TNXB: variants seen among roughly 807,000 people sequenced by gnomAD.
TNXB encodes tenascin-X.
A neutral mutation model predicts 340.5 loss-of-function variants in TNXB; 183 were observed. The observed-to-expected ratio is 0.54, with a 90% CI of 0.48 to 0.61. The LOEUF is 0.61. TNXB is among the 20% of genes least tolerant of loss of function. The probability of loss-of-function intolerance (pLI) is 0.00; values close to 1 mark genes in which losing one functional copy is unlikely to be tolerated. For synonymous variants in TNXB, 2,121 were observed against 2,314.5 expected (o/e 0.92, Z 2.40); for missense variants, 4,613 against 5,446.4 (o/e 0.85, Z 4.82).
chr6:32,104,280 T>C (rs1191691044), intron 1 of TNXB, among the ~76,000 whole-genome samples: 1 of 152,202 alleles, frequency 6.6e-6, no homozygotes, highest in African/African-American at 2.4e-5. Context: ...TACACCAATT[T>C]GTAAAACACC....
At position 32,043,740 on chromosome 6, in the gene TNXB, CCAT is replaced by C. The variant is rs753060533; in HGVS notation, c.11530+6_11530+8del. ...CCCACCTCTTGCCCCGGGTCCCAGT[CCAT>C]CTCACCCGTGGTGAGGAAGCCTGTG... On this transcript the variant is annotated splice_donor_region_variant and intron_variant, in intron 35 of 43. Coordinates refer to ENST00000644971, the MANE Select transcript of TNXB (RefSeq NM_001365276.2). The C allele has an allele frequency of 1.5e-5, 25 of 1,613,450 alleles. No homozygotes were observed. Among genetic ancestry groups the C allele is most frequent in the Non-Finnish European group, 8.5e-6 (10 of 1,180,034 alleles).
Position 32,055,881 on chromosome 6 carries a change from C to T in TNXB, c.8437G>A (p.Val2813Met). 6.2e-7 allele frequency: 1 copy of T among 1,612,790 alleles called. No homozygotes were observed. The highest frequency in any genetic ancestry group is 8.5e-7 in the Non-Finnish European group (1 of 1,179,382). The change falls in exon 24 of 44, where the codon GTG becomes ATG. Residue 2813 changes from valine (V) to methionine (M), a missense_variant. By Grantham distance (21) the Val-to-Met change is conservative (BLOSUM62 1). Coordinates refer to ENST00000644971, the MANE Select transcript of TNXB (RefSeq NM_001365276.2). ...HLYGLHEGRRVGPVSTVGVTA... is the reference protein window; with the variant it reads ...HLYGLHEGRRMGPVSTVGVTA... Reference sequence around the variant, plus strand: ...ACACCCACGGTGGACACCGGGCCCACACGCCGCCCCTCGTGGAGGCCGTAC... The same window carrying T: ...ACACCCACGGTGGACACCGGGCCCATACGCCGCCCCTCGTGGAGGCCGTAC...
At position 32,084,285 on chromosome 6, in the gene TNXB, T is replaced by C; in HGVS notation, c.3445+128A>G. ...TTGCCTGCCCCACCACTACTTTCCC[T>C]TCAGAATTCAGCTCATGCACCACTG... On this transcript the variant is annotated intron_variant, in intron 8 of 43. Transcript: ENST00000644971. The surrounding 1 kb of genome is among the most constrained non-coding windows in gnomAD (Gnocchi z 5.5). The C allele has an allele frequency of 1.1e-6, 1 of 936,292 alleles. No individual in the cohort carries two copies. Among genetic ancestry groups the C allele is most frequent in the Non-Finnish European group, 1.5e-6 (1 of 657,790 alleles). 58.0% of individuals were successfully genotyped at this position (936,292 alleles called of 1,614,324 possible).
In TNXB at chr6:32,052,566, C is replaced by CA; in HGVS notation, c.9115+103dup. The CA allele has an allele frequency of 6.8e-7, 1 of 1,463,884 alleles. No homozygotes were observed. The highest frequency in any genetic ancestry group is 9.2e-7 in the Non-Finnish European group (1 of 1,090,792). The allele number at this position is 1,463,884 out of a possible 1,614,324, so 90.7% of individuals were successfully genotyped here. A position where few individuals can be genotyped will look rare whatever the true frequency, so the allele number is the denominator to read the frequency against. ...AAAAATCTCCAGGCATTTGGATACA[C>CA]AAAGGAAGGAATACTCTTCAGAGTA... On this transcript the variant is annotated intron_variant, in intron 26 of 43. Transcript: ENST00000644971. This position sits in a 1 kb window ranked among gnomAD's most constrained non-coding sequence, Gnocchi z 4.7.
rs1280475668 is a variant in TNXB at position 32,096,401 on chromosome 6, C to T, written c.1452G>A (p.Trp484Ter). The stretch of plus-strand genomic sequence containing the variant: ...CGCAGTCCCGGCCTGTGTACCCCGG[C>T]CAACACATGCAGCGGCCACTCTCAC... ...GRCESGRCMCWPGYTGRDCGT... is the reference protein window; with the variant it reads ...GRCESGRCMC The change falls in exon 3 of 44, where the codon TGG becomes TGA. Residue 484 changes from tryptophan to a stop codon, truncating the protein, a stop_gained. Transcript: ENST00000644971. LOFTEE classifies it high-confidence loss of function. 1 of 1,579,736 alleles carries T rather than the reference C, an allele frequency of 6.3e-7. No homozygotes were observed.
intron 4 of TNXB, among the ~76,000 whole-genome samples, chr6:32,094,735 A>G (rs1780235993): frequency 6.6e-6 from 1 of 152,204 alleles, no homozygotes; most frequent in African/African-American, 2.4e-5. Context: ...GCTGATGAAT[A>G]CCCAGCTAGG....
At chr6:32,077,045 G>A (rs751044005) in intron 11 of TNXB, among the ~76,000 whole-genome samples, 6 of 152,028 alleles carry the variant, frequency 3.9e-5, no homozygotes, top group Non-Finnish European at 8.8e-5. Context: ...AAGACAGGAA[G>A]GAACTCAGTT....
intron 1 of TNXB, among the ~76,000 whole-genome samples, chr6:32,101,588 C>CTTTT (rs58601681): frequency 2.4e-5 from 3 of 126,182 alleles, no homozygotes; most frequent in African/African-American, 3.0e-5. Flanking sequence ...CGCACCCAGC[C>CTTTT]TTTTTTTTTT....
In TNXB at chr6:32,067,894, G is replaced by A; in HGVS notation, c.6311C>T (p.Thr2104Ile). 1.2e-6 allele frequency: 2 copies of A among 1,612,794 alleles called. No homozygotes were observed. Among genetic ancestry groups the A allele is most frequent in the Non-Finnish European group, 1.7e-6 (2 of 1,179,874 alleles). Reference protein sequence around the residue: ...EEPLLGELTVTGSSPDSLSLS... With the variant: ...EEPLLGELTVIGSSPDSLSLS... ...GCTCAGCGAGTCAGGGGAGGATCCT[G>A]TCACTGTTAGCTCCCCCAGGAGCGG... Residue 2104 changes from threonine to isoleucine, a missense_variant, in exon 18 of 44, where the codon ACA (threonine) becomes ATA (isoleucine). By Grantham distance (89) the Thr-to-Ile change is moderately conservative (BLOSUM62 -1). Coordinates refer to ENST00000644971, the MANE Select transcript of TNXB (RefSeq NM_001365276.2). The surrounding 1 kb of genome is among the most constrained non-coding windows in gnomAD (Gnocchi z 4.2).
intron 1 of TNXB, among the ~76,000 whole-genome samples, chr6:32,107,318 T>A (rs918455742): frequency 6.6e-6 from 1 of 152,142 alleles, no homozygotes; most frequent in African/African-American, 2.4e-5. Flanking sequence ...CTCACCAGCT[T>A]TTCTGGAAAG....
intron 22 of TNXB, among the ~76,000 whole-genome samples, chr6:32,057,605 C>G (rs1442177725): frequency 6.6e-6 from 1 of 151,850 alleles, no homozygotes; most frequent in Non-Finnish European, 1.5e-5. Flanking sequence ...GTGGTCCCCT[C>G]CTCTGCTCCC....
In TNXB at chr6:32,097,383, G is replaced by A; in HGVS notation, c.470C>T (p.Ser157Phe). 1 of 1,611,438 alleles carries A rather than the reference G, an allele frequency of 6.2e-7. No homozygotes were observed. The highest frequency in any genetic ancestry group is 2.2e-5 in the East Asian group (1 of 44,818). The change falls in exon 3 of 44, where the codon TCC (serine) becomes TTC (phenylalanine). Residue 157 changes from serine (S) to phenylalanine (F), a missense_variant. Physicochemically the swap from Ser to Phe is radical, Grantham distance 155. Around this residue, in one of 7 missense-constraint regions of TNXB, gnomAD observed 4,327 missense variants for 4,859.4 expected, o/e 0.89. Transcript: ENST00000644971. This position sits in a 1 kb window ranked among gnomAD's most constrained non-coding sequence, Gnocchi z 5.9. The part of the protein sequence containing the change: ...GVFDLSRCTC[S>F]CEPGWGGPTC... ...GGGCCCACCCCAGCCTGGCTCACAG[G>A]AACAGGTGCAGCGGCTCAGATCAAA...
rs917527855 is a variant in TNXB, at chr6:32,072,385, G to A, written c.4682-87C>T. ...GAGGGCCTCAGGGGGGCTGTGAACT[G>A]AGATGGGGAATAGTTACACCTTTAC... On this transcript the variant is annotated intron_variant, in intron 12 of 43. Transcript: ENST00000644971. The surrounding 1 kb of genome is among the most constrained non-coding windows in gnomAD (Gnocchi z 4.4). The A allele has an allele frequency of 1.8e-6, 2 of 1,127,602 alleles. No homozygotes were observed. The highest frequency in any genetic ancestry group is 2.4e-6 in the Non-Finnish European group (2 of 819,002). 69.8% of individuals were successfully genotyped at this position (1,127,602 alleles called of 1,614,324 possible). A position where few individuals can be genotyped will look rare whatever the true frequency, so the allele number is the denominator to read the frequency against.
Position 32,090,099 on chromosome 6 carries a change from C to A in TNXB, c.2359-720G>T. 6.6e-6 allele frequency among the ~76,000 whole-genome samples: 1 copy of A among 152,228 alleles called. No individual in the cohort carries two copies. The highest frequency in any genetic ancestry group is 1.9e-4 in the East Asian group (1 of 5,202). On this transcript the variant is annotated intron_variant, in intron 4 of 43. Coordinates refer to ENST00000644971, the MANE Select transcript of TNXB (RefSeq NM_001365276.2). This position sits in a 1 kb window ranked among gnomAD's most constrained non-coding sequence, Gnocchi z 4.3. ...TGTAGGCTCCTCAAAACAAGAACCA[C>A]CTGCTCAAAGTTCCACAAATATGTT...
rs1309463128 is a variant in TNXB, at chr6:32,052,356, T to G, written c.9115+314A>C. ...GTCCCAGTTACTCAGGAGGCTGAGG[T>G]AGGAGAATCACTTGAACCCAGGAGG... is the stretch of plus-strand genomic sequence containing the variant. On this transcript the variant is annotated intron_variant, in intron 26 of 43. Transcript: ENST00000644971. The surrounding 1 kb of genome is among the most constrained non-coding windows in gnomAD (Gnocchi z 4.7). Among the ~76,000 whole-genome samples, 1 of 151,342 alleles carries G rather than the reference T, an allele frequency of 6.6e-6. No individual in the cohort carries two copies. Among genetic ancestry groups the G allele is most frequent in the Non-Finnish European group, 1.5e-5 (1 of 67,906 alleles).
intron 4 of TNXB, chr6:32,093,095 T>TA (rs1780152922): frequency 2.2e-6 from 1 of 451,808 alleles, no homozygotes; most frequent in South Asian, 3.7e-5. Flanking sequence ...AAGCTCCTCT[T>TA]ATCTCAAGTG....
Position 32,073,994 on chromosome 6 carries a change from C to T in TNXB, c.4376-42G>A, listed in dbSNP as rs1242574115. The T allele has an allele frequency of 2.0e-6, 3 of 1,464,674 alleles. No individual in the cohort carries two copies. The highest frequency in any genetic ancestry group is 1.4e-5 in the African/African-American group (1 of 70,506). 90.7% of individuals were successfully genotyped at this position (1,464,674 alleles called of 1,614,324 possible). On this transcript the variant is annotated intron_variant, in intron 11 of 43. Transcript: ENST00000644971. This position sits in a 1 kb window ranked among gnomAD's most constrained non-coding sequence, Gnocchi z 4.6. The stretch of plus-strand genomic sequence containing the variant: ...AGGGGGCTGTTAGTAAAGAATCCCC[C>T]TTTTCTTATAGTAATGATGTCTAGT...
chr6:32,107,051 C>T (rs1407327560), intron 1 of TNXB, among the ~76,000 whole-genome samples: 1 of 152,220 alleles, frequency 6.6e-6, no homozygotes, highest in East Asian at 1.9e-4. Context: ...TTGGGTGATG[C>T]CTAAGAAGGC....
At position 32,096,217 on chromosome 6, in the gene TNXB, C is replaced by T; in HGVS notation, c.1636G>A (p.Asp546Asn). The change falls in exon 3 of 44, where the codon GAC becomes AAC. Residue 546 changes from aspartate (D) to asparagine (N), a missense_variant. Transcript: ENST00000644971. ...CAGTCTTCCCCTGAGTAGCCTGCGT[C>T]ACACACGCACACGCCATCCTCGCAA... Reference protein sequence around the residue: ...GLCEDGVCVCDAGYSGEDCST... With the variant: ...GLCEDGVCVCNAGYSGEDCST... The T allele has an allele frequency of 6.4e-7, 1 of 1,568,466 alleles. No homozygotes were observed. The highest frequency in any genetic ancestry group is 1.7e-4 in the Middle Eastern group (1 of 6,008).
Sources: allele counts gnomAD v4.1 joint callset (sites outside exome capture counted in the v4.1 genomes callset), GRCh38; gene constraint gnomAD v4.1.1; regional missense constraint gnomAD v4.1.1; non-coding constraint Gnocchi (gnomAD v3.1); transcripts MANE v1.5; gene names NCBI Gene and HGNC (gene_info 2026-07-23, HGNC 2026-07-21).